CDH12: variants seen among roughly 807,000 people sequenced by gnomAD.
CDH12 encodes the protein cadherin 12.
In CDH12, 41 loss-of-function variants were observed where a neutral mutation model predicts 74.1. The observed-to-expected ratio is 0.55, with a 90% CI of 0.43 to 0.72. The LOEUF (loss-of-function observed/expected upper bound fraction) is 0.72. Among genes scored for constraint, CDH12 ranks in the 30% least tolerant of loss-of-function variants. The pLI is 0.00. For missense variants in CDH12, 945 were observed against 977.2 expected (o/e 0.97, Z 0.44); for synonymous variants, 399 against 355.0 (o/e 1.12, Z -1.39).
intron 1 of CDH12, among the ~76,000 whole-genome samples, chr5:22,786,923 T>C (rs1481879326): frequency 6.6e-6 from 1 of 152,090 alleles, no homozygotes; most frequent in Non-Finnish European, 1.5e-5. Flanking sequence ...TTTCACCATG[T>C]TGGCCAGGCT....
intron 4 of CDH12, among the ~76,000 whole-genome samples, chr5:22,116,653 G>A (rs888247582): frequency 2.7e-5 from 4 of 150,716 alleles, no homozygotes; most frequent in East Asian, 1.9e-4. Flanking sequence ...AGTGTAGCCC[G>A]GGCCAATACG....
intron 1 of CDH12, among the ~76,000 whole-genome samples, chr5:22,664,772 A>T (rs1740526778): frequency 6.6e-6 from 1 of 152,140 alleles, no homozygotes; most frequent in Non-Finnish European, 1.5e-5. Flanking sequence ...AATTTGTCCA[A>T]GGTTATAGAC....
intron 5 of CDH12, among the ~76,000 whole-genome samples, chr5:22,010,819 C>T (rs1371751723): frequency 6.6e-6 from 1 of 152,126 alleles, no homozygotes; most frequent in African/African-American, 2.4e-5. Flanking sequence ...CCCACTCTGC[C>T]GGACGTATGT....
intron 3 of CDH12, among the ~76,000 whole-genome samples, chr5:22,343,567 G>A (rs1014665130): frequency 6.6e-6 from 1 of 152,002 alleles, no homozygotes; most frequent in African/African-American, 2.4e-5. Context: ...ACAGGCTCCC[G>A]CCACCACGCC....
chr5:22,844,532 T>C (rs150064454), intron 1 of CDH12, among the ~76,000 whole-genome samples: 62 of 152,242 alleles, frequency 4.1e-4, no homozygotes, highest in South Asian at 2.7e-3. Flanking sequence ...GCACACTGGA[T>C]AGCTAACATC....
intron 2 of CDH12, among the ~76,000 whole-genome samples, chr5:22,449,556 C>A (rs141999304): frequency 6.6e-6 from 1 of 151,988 alleles, no homozygotes; most frequent in Admixed American, 6.6e-5. Flanking sequence ...TTCTTCCCAA[C>A]GCTACTTTCA....
chr5:22,177,266 T>C (rs1386227234), intron 4 of CDH12, among the ~76,000 whole-genome samples: 1 of 152,178 alleles, frequency 6.6e-6, no homozygotes, highest in Non-Finnish European at 1.5e-5. Context: ...ACCTATTTTT[T>C]TCATACAGAA....
intron 5 of CDH12, among the ~76,000 whole-genome samples, chr5:22,059,958 T>C (rs1035630783): frequency 1.3e-5 from 2 of 152,096 alleles, no homozygotes; most frequent in Non-Finnish European, 2.9e-5. Flanking sequence ...TAAGAAAATA[T>C]GTATGTATAC....
intron 1 of CDH12, among the ~76,000 whole-genome samples, chr5:22,575,395 CA>C (rs1739733568): frequency 6.9e-6 from 1 of 145,574 alleles, no homozygotes; most frequent in Admixed American, 7.6e-5. Flanking sequence ...TGGTTTGAAA[CA>C]TTTTTTTTTT....
At chr5:22,625,434 T>C (rs889577777) in intron 1 of CDH12, among the ~76,000 whole-genome samples, 18 of 152,084 alleles carry the variant, frequency 1.2e-4, no homozygotes, top group Non-Finnish European at 2.1e-4. Flanking sequence ...CACGATCCCA[T>C]GGACACTTAA....
intron 1 of CDH12, among the ~76,000 whole-genome samples, chr5:22,808,643 G>A (rs1347498170): frequency 2.2e-5 from 2 of 91,514 alleles, no homozygotes; most frequent in African/African-American, 9.0e-5. Context: ...GTCTCGCTTT[G>A]TTGCCAGTCT....
intron 2 of CDH12, among the ~76,000 whole-genome samples, chr5:22,503,875 A>G (rs544868543): frequency 3.6e-4 from 54 of 152,074 alleles, no homozygotes; most frequent in Admixed American, 1.4e-3. Flanking sequence ...CTTAGTATCA[A>G]TTATTCATTA....
chr5:22,562,711 A>G (rs2126752431), intron 1 of CDH12, among the ~76,000 whole-genome samples: 1 of 152,006 alleles, frequency 6.6e-6, no homozygotes, highest in South Asian at 2.1e-4. Flanking sequence ...TGAATATCTA[A>G]TGAAAGAATA....
At chr5:21,883,827 G>T in intron 6 of CDH12, 1 of 1,601,274 alleles carries the variant, frequency 6.2e-7, no homozygotes, top group Non-Finnish European at 8.6e-7. Flanking sequence ...AAGTGATGTT[G>T]AAGTGAATGA....
intron 3 of CDH12, among the ~76,000 whole-genome samples, chr5:22,247,317 C>CT (rs1752982256): frequency 2.3e-4 from 1 of 4,300 alleles, no homozygotes; most frequent in African/African-American, 2.5e-4. Flanking sequence ...TCAATGAAGC[C>CT]TAGTAAAGCT....
chr5:22,240,356 A>C (rs942277674), intron 3 of CDH12, among the ~76,000 whole-genome samples: 1 of 152,166 alleles, frequency 6.6e-6, no homozygotes, highest in African/African-American at 2.4e-5. Flanking sequence ...TTATGTTTTA[A>C]TATGAGTACA....
In CDH12 at chr5:22,791,408, GAA is replaced by G. The variant is rs1357304646; in HGVS notation, c.-523+61648_-523+61649del. ...CAACCATGAAGTATCTACAAATAAA[GAA>G]CAGAATAAAAGGGAAATAACACTGC... On this transcript the variant is annotated intron_variant, in intron 1 of 14. Coordinates refer to ENST00000382254, the MANE Select transcript of CDH12 (RefSeq NM_004061.5). Among the ~76,000 whole-genome samples the G allele has an allele frequency of 4.6e-5, 7 of 152,038 alleles. No homozygotes were observed. The East Asian group carries it at 1.4e-3, about 29-fold the overall frequency.
chr5:21,915,786 C>T (rs1754058672), intron 6 of CDH12, among the ~76,000 whole-genome samples: 2 of 150,806 alleles, frequency 1.3e-5, no homozygotes, highest in Non-Finnish European at 2.9e-5. Flanking sequence ...GCTCCATCCG[C>T]TAAGCCTTGG....
chr5:21,958,884 G>A (rs546753106), intron 6 of CDH12, among the ~76,000 whole-genome samples: 58 of 152,318 alleles, frequency 3.8e-4, no homozygotes, highest in Non-Finnish European at 6.6e-4. Flanking sequence ...GATTTGTGCA[G>A]TATGGCCTTT....
Sources: gnomAD v4.1 joint callset for allele counts (sites outside exome capture counted in the v4.1 genomes callset) on GRCh38, gnomAD v4.1.1 for gene constraint, MANE v1.5 for transcripts, NCBI Gene and HGNC (gene_info 2026-07-23, HGNC 2026-07-21) for gene names.